LZTFL1: variants seen among roughly 807,000 people sequenced by gnomAD.
LZTFL1 encodes leucine zipper transcription factor like 1, also known as leucine zipper transcription factor-like protein 1.
LZTFL1 carries 25 observed loss-of-function variants against 45.9 expected under a neutral mutation model. The ratio of observed to expected loss-of-function variants is 0.54; its 90% CI spans 0.40 to 0.76. The LOEUF (loss-of-function observed/expected upper bound fraction) is 0.76, where lower values mean the gene tolerates loss of function less well. Among genes scored for constraint, LZTFL1 ranks in the 30% least tolerant of loss-of-function variants. LZTFL1 has a pLI of 0.00. For missense variants in LZTFL1, 277 were observed against 331.1 expected, an observed-to-expected ratio of 0.84 and a Z score of 1.27; for synonymous variants, 93 against 117.4, an observed-to-expected ratio of 0.79 and a Z score of 1.35.
chr3:45,912,970 A>G, intron 2 of LZTFL1: 1 of 730,810 alleles, frequency 1.4e-6, no homozygotes, highest in Non-Finnish European at 2.2e-6. Flanking sequence ...GGGCTGCCAT[A>G]GCAAATCCTG....
intron 2 of LZTFL1, among the ~76,000 whole-genome samples, chr3:45,878,595 T>TAA (rs762444326): frequency 3.6e-5 from 4 of 111,550 alleles, no homozygotes; most frequent in African/African-American, 9.9e-5. Flanking sequence ...GGCCCTCAAG[T>TAA]AAAAAAAAAA....
At chr3:45,830,878 G>GA (rs1387217722) in intron 7 of LZTFL1, 35 bp downstream of exon 7, 3 of 1,574,798 alleles carry the variant, frequency 1.9e-6, no homozygotes, top group East Asian at 2.2e-5. Flanking sequence ...ATTCTACTTA[G>GA]AAAATGTGAG....
chr3:45,912,729 C>A (rs1702820149), intron 2 of LZTFL1, among the ~76,000 whole-genome samples: 1 of 152,188 alleles, frequency 6.6e-6, no homozygotes, highest in Non-Finnish European at 1.5e-5. Flanking sequence ...CATGTGGGAG[C>A]ACAGCCTCAA....
At chr3:45,844,466 G>T (rs1446725032), upstream of LZTFL1, among the ~76,000 whole-genome samples, 1 of 152,030 alleles carries the variant, frequency 6.6e-6, no homozygotes, top group Non-Finnish European at 1.5e-5. Flanking sequence ...AAAAAAAATA[G>T]GTGATACACA....
chr3:45,904,621 C>G (rs1702642562), intron 2 of LZTFL1, among the ~76,000 whole-genome samples: 1 of 152,204 alleles, frequency 6.6e-6, no homozygotes, highest in Non-Finnish European at 1.5e-5. Flanking sequence ...GGACCTTCCC[C>G]CAGGCCATCG....
chr3:45,871,033 C>T (rs577668927), intron 2 of LZTFL1, among the ~76,000 whole-genome samples: 26 of 152,112 alleles, frequency 1.7e-4, no homozygotes, highest in Non-Finnish European at 2.1e-4. Context: ...ACATGTAGAT[C>T]CACATTAAAT....
Position 45,907,384 on chromosome 3 carries a change from C to G in LZTFL1, c.-215+5736G>C, listed in dbSNP as rs557767284. ...ACGAACACTGTGCCTGCTCCACCAG[C>G]GGCCCTCGCTCAGGCCAGGCTCTGT... On this transcript the variant is annotated intron_variant, in intron 2 of 4. Coordinates refer to the LZTFL1 transcript ENST00000472635. 2.6e-5 allele frequency among the ~76,000 whole-genome samples: 4 copies of G among 152,320 alleles called. No individual in the cohort carries two copies. In the South Asian group the frequency reaches 8.3e-4, roughly 32 times the overall value.
At chr3:45,855,790 C>T (rs1194537792) in intron 3 of LZTFL1, among the ~76,000 whole-genome samples, 1 of 152,118 alleles carries the variant, frequency 6.6e-6, no homozygotes, top group African/African-American at 2.4e-5. Flanking sequence ...TGAATGAATT[C>T]CCATTCGCAA....
At chr3:45,832,834 C>T (rs1395930439) in intron 5 of LZTFL1, 3 of 437,574 alleles carry the variant, frequency 6.9e-6, no homozygotes, top group Non-Finnish European at 1.2e-5. Context: ...ATGCTCTTCA[C>T]TTTACCTTGA....
Position 45,900,740 on chromosome 3 carries a change from T to A in LZTFL1, c.-215+12380A>T. On this transcript the variant is annotated intron_variant, in intron 2 of 4. Coordinates refer to the LZTFL1 transcript ENST00000472635. The surrounding 1 kb of genome is among the most constrained non-coding windows in gnomAD (Gnocchi z 4.7). ...GGGGTTGGAAGGGTCAAGAGGTCCA[T>A]GCCTCTGCCATCAGACAGGACCTTC... The A allele has an allele frequency of 6.6e-7, 1 of 1,511,254 alleles. No homozygotes were observed. Among genetic ancestry groups the A allele is most frequent in the Non-Finnish European group, 8.9e-7 (1 of 1,118,580 alleles). 93.6% of individuals were successfully genotyped at this position (1,511,254 alleles called of 1,614,324 possible). A position where few individuals can be genotyped will look rare whatever the true frequency, so the allele number is the denominator to read the frequency against.
Position 45,828,552 on chromosome 3 carries a change from A to G in LZTFL1, c.664T>C (p.Phe222Leu), listed in dbSNP as rs1700728075. ...ENTVAALKSEFQKTLNDKTEN... is the reference protein window; with the variant it reads ...ENTVAALKSELQKTLNDKTEN... Reference sequence around the variant, plus strand: ...GTCTTGTCATTAAGTGTCTTCTGAAACTCACTCTTTAAGGCAGCGACAGTG... The same window carrying G: ...GTCTTGTCATTAAGTGTCTTCTGAAGCTCACTCTTTAAGGCAGCGACAGTG... Residue 222 changes from phenylalanine (F) to leucine (L), a missense_variant, in exon 8 of 10, where the codon TTT becomes CTT. Phe to Leu is a conservative substitution (Grantham distance 22). Transcript: ENST00000296135. 1 of 1,614,084 alleles carries G rather than the reference A, an allele frequency of 6.2e-7. No homozygotes were observed. The highest frequency in any genetic ancestry group is 1.1e-5 in the South Asian group (1 of 91,088).
chr3:45,851,091 CA>C lies in LZTFL1; in HGVS notation c.-49+3894del, dbSNP rs536194111. On this transcript the variant is annotated intron_variant, in intron 4 of 4. Coordinates refer to the LZTFL1 transcript ENST00000472635. ...GCTCCCCACACCCCATCATAGCCAG[CA>C]GCTGTTCCACGCCTTGTTGAAATTT... Among the ~76,000 whole-genome samples, 69 of 152,310 alleles carry C rather than the reference CA, an allele frequency of 4.5e-4. 1 individual carries two copies. The South Asian group carries it at 0.013, about 29-fold the overall frequency.
intron 2 of LZTFL1, among the ~76,000 whole-genome samples, chr3:45,908,377 G>A (rs1702722179): frequency 6.6e-6 from 1 of 152,242 alleles, no homozygotes; most frequent in African/African-American, 2.4e-5. Context: ...CATTTATTGA[G>A]CATTTAGTAC....
intron 6 of LZTFL1, 26 bp downstream of exon 6, chr3:45,831,047 A>G: frequency 2.5e-6 from 4 of 1,606,346 alleles, no homozygotes; most frequent in South Asian, 1.1e-5. Flanking sequence ...CAGTTCAATA[A>G]TTGTGTCAAA....
intron 2 of LZTFL1, among the ~76,000 whole-genome samples, chr3:45,872,442 A>G (rs1701685139): frequency 6.6e-6 from 1 of 152,160 alleles, no homozygotes; most frequent in Admixed American, 6.5e-5. Context: ...GTGGCTAGTA[A>G]GCTGAAACTC....
intron 1 of LZTFL1, among the ~76,000 whole-genome samples, chr3:45,914,068 G>C (rs1702850936): frequency 6.6e-6 from 1 of 152,180 alleles, no homozygotes. Flanking sequence ...TAATGGATTT[G>C]AGGAAGACGG....
At chr3:45,826,515 T>C (rs1700669352) in intron 9 of LZTFL1, among the ~76,000 whole-genome samples, 183 bp from the exon 10 acceptor site, 2 of 152,224 alleles carry the variant, frequency 1.3e-5, no homozygotes, top group Non-Finnish European at 2.9e-5. Flanking sequence ...GGTAGGAGGA[T>C]AGGCCAGATC....
intron 1 of LZTFL1, among the ~76,000 whole-genome samples, chr3:45,914,037 A>G (rs1168072038): frequency 6.6e-6 from 1 of 152,224 alleles, no homozygotes; most frequent in Non-Finnish European, 1.5e-5. Context: ...AATTTCCATC[A>G]TTGCGCCCTA....
At chr3:45,902,960 T>C (rs1307160161) in intron 2 of LZTFL1, 1 of 167,122 alleles carries the variant, frequency 6.0e-6, no homozygotes, top group Non-Finnish European at 1.5e-5. Flanking sequence ...AGCTTTTAAC[T>C]TAGAGATTAG....
Sources: allele counts gnomAD v4.1 joint callset (sites outside exome capture counted in the v4.1 genomes callset), GRCh38; gene constraint gnomAD v4.1.1; non-coding constraint Gnocchi (gnomAD v3.1); transcripts MANE v1.5; gene names NCBI Gene and HGNC (gene_info 2026-07-23, HGNC 2026-07-21).